Variants in TCP10L observed in about 807,000 individuals in gnomAD.
TCP10L encodes T-complex protein 10A homolog 1.
A neutral mutation model predicts 19.2 loss-of-function variants in TCP10L; 11 were observed. The ratio of observed to expected loss-of-function variants is 0.57; its 90% CI spans 0.36 to 0.95. The LOEUF (loss-of-function observed/expected upper bound fraction) is 0.95. Ranked by LOEUF, TCP10L falls within the 40% of genes least tolerant of loss-of-function variation. The probability of loss-of-function intolerance (pLI) is 0.01; values close to 1 mark genes in which losing one functional copy is unlikely to be tolerated. For synonymous variants in TCP10L, 96 were observed against 97.2 expected, an observed-to-expected ratio of 0.99 and a Z score of 0.07; for missense variants, 247 against 263.9, an observed-to-expected ratio of 0.94 and a Z score of 0.44.
At position 32,577,065 on chromosome 21, in the gene TCP10L, C is replaced by T. The variant is rs1003525059; in HGVS notation, c.499-142G>A. 3.6e-6 allele frequency: 3 copies of T among 833,584 alleles called. No individual in the cohort carries two copies. In the African/African-American group the frequency reaches 5.2e-5, roughly 14 times the overall value. The allele number at this position is 833,584 out of a possible 1,614,324, so 51.6% of individuals were successfully genotyped here. On this transcript the variant is annotated intron_variant, in intron 4 of 4. Coordinates refer to ENST00000300258, the MANE Select transcript of TCP10L (RefSeq NM_144659.7). ...CAGAAGGACACATGAGGTATCCACA[C>T]TTAGTGTCTCTCATTCCCCATTTTA...
intron 3 of TCP10L, among the ~76,000 whole-genome samples, chr21:32,581,628 G>A (rs1327458954): frequency 1.3e-5 from 2 of 152,098 alleles, no homozygotes; most frequent in Non-Finnish European, 2.9e-5. Flanking sequence ...CCAAAGAAGC[G>A]AGCCACACCC....
At position 32,576,386 on chromosome 21, in the gene TCP10L, A is replaced by G; in HGVS notation, c.*388T>C. 1 of 1,118,740 alleles carries G rather than the reference A, an allele frequency of 8.9e-7. No individual in the cohort carries two copies. Among genetic ancestry groups the G allele is most frequent in the Non-Finnish European group, 1.3e-6 (1 of 785,524 alleles). The allele number at this position is 1,118,740 out of a possible 1,614,324, so 69.3% of individuals were successfully genotyped here. On this transcript the variant is annotated 3_prime_UTR_variant, in exon 5 of 5. Coordinates refer to ENST00000300258, the MANE Select transcript of TCP10L (RefSeq NM_144659.7). Reference sequence around the variant, plus strand: ...GGTCCCTGGAGCGGGCAATGCCTTGAGCCCAAAGGCTGGGAGCACAAAGCC... The same window carrying G: ...GGTCCCTGGAGCGGGCAATGCCTTGGGCCCAAAGGCTGGGAGCACAAAGCC...
At position 32,576,775 on chromosome 21, in the gene TCP10L, C is replaced by T. The variant is rs912496204; in HGVS notation, c.647G>A (p.Ter216=). ...TPCAERRGGV[*] is the part of the protein sequence containing the mutation. ...GTGTCCGAGGCCACCTTTCCATCTTCAGACACCCCCCCGTCTCTCTGCACA... is the reference window on the plus strand; with the variant it reads ...GTGTCCGAGGCCACCTTTCCATCTTTAGACACCCCCCCGTCTCTCTGCACA... Residue 216 remains the stop codon, a stop_retained_variant, in exon 5 of 5, where the codon TGA becomes TAA. Coordinates refer to ENST00000300258, the MANE Select transcript of TCP10L (RefSeq NM_144659.7). The T allele has an allele frequency of 1.9e-6, 3 of 1,612,296 alleles. No homozygotes were observed. The highest frequency in any genetic ancestry group is 2.5e-6 in the Non-Finnish European group (3 of 1,179,544).
At chr21:32,583,247 CT>C (rs1288060281) in intron 2 of TCP10L, among the ~76,000 whole-genome samples, 1 of 151,816 alleles carries the variant, frequency 6.6e-6, no homozygotes, top group Non-Finnish European at 1.5e-5. Context: ...GTTGGCCAGA[CT>C]GGTCTCAAAG....
At position 32,584,166 on chromosome 21, in the gene TCP10L, T is replaced by A; in HGVS notation, c.139A>T (p.Met47Leu). 1 of 1,612,164 alleles carries A rather than the reference T, an allele frequency of 6.2e-7. No homozygotes were observed. Among genetic ancestry groups the A allele is most frequent in the Non-Finnish European group, 8.5e-7 (1 of 1,178,800 alleles). Residue 47 changes from methionine (M) to leucine (L), a missense_variant, in exon 2 of 5, where the codon ATG becomes TTG. Transcript: ENST00000300258. Reference protein sequence around the residue: ...VLTEDCNTGEMPPLQQQIIRL... With the variant: ...VLTEDCNTGELPPLQQQIIRL... Reference sequence around the variant, plus strand: ...CCCCACAGAGCTCAACTCACTGGCATCTCCCCAGTGTTGCAGTCCTCCGTG... The same window carrying A: ...CCCCACAGAGCTCAACTCACTGGCAACTCCCCAGTGTTGCAGTCCTCCGTG...
rs1218460323 is a variant in TCP10L, at chr21:32,576,818, T to C, written c.604A>G (p.Thr202Ala). Residue 202 changes from threonine to alanine, a missense_variant, in exon 5 of 5, where the codon ACT becomes GCT. Transcript: ENST00000300258. The stretch of plus-strand genomic sequence containing the variant: ...TCTGCACAGGGAGTTGGCCTTCCAG[T>C]AGGTGTTGCTCTTCTGTCTTGACGT... ...RRRQDRRATP[T>A]GRPTPCAERR... The C allele has an allele frequency of 6.2e-7, 1 of 1,613,954 alleles. No individual in the cohort carries two copies. The highest frequency in any genetic ancestry group is 1.7e-5 in the Admixed American group (1 of 59,984).
At chr21:32,584,833 G>A (rs1030446465) in intron 1 of TCP10L, among the ~76,000 whole-genome samples, 16 of 152,124 alleles carry the variant, frequency 1.1e-4, no homozygotes, top group African/African-American at 3.9e-4. Flanking sequence ...ACCCTCCACC[G>A]TGTTGAGTAT....
In TCP10L at chr21:32,576,892, G is replaced by C; in HGVS notation, c.530C>G (p.Ser177Trp). The C allele has an allele frequency of 6.2e-7, 1 of 1,613,874 alleles. No individual in the cohort carries two copies. Among genetic ancestry groups the C allele is most frequent in the Non-Finnish European group, 8.5e-7 (1 of 1,179,952 alleles). ...PMSLKIERIS[S>W]WKTPPQENRD... Reference sequence around the variant, plus strand: ...ATTTTCCTGTGGTGGTGTTTTCCACGAGCTAATTCTTTCTATCTTTAAACT... The same window carrying C: ...ATTTTCCTGTGGTGGTGTTTTCCACCAGCTAATTCTTTCTATCTTTAAACT... Residue 177 changes from serine to tryptophan, a missense_variant, in exon 5 of 5, where the codon TCG becomes TGG. Transcript: ENST00000300258.
Position 32,576,194 on chromosome 21 carries a change from G to A in TCP10L, c.*580C>T. The A allele has an allele frequency of 1.5e-6, 2 of 1,346,458 alleles. No individual in the cohort carries two copies. The highest frequency in any genetic ancestry group is 1.5e-5 in the African/African-American group (1 of 68,762). The allele number at this position is 1,346,458 out of a possible 1,614,324, so 83.4% of individuals were successfully genotyped here. On this transcript the variant is annotated 3_prime_UTR_variant, in exon 5 of 5. Transcript: ENST00000300258. ...TTTCACGGGGAGCATAGAAACAGGA[G>A]TCCCCAACTCTGCTCACCAGCTCCT...
At position 32,576,661 on chromosome 21, in the gene TCP10L, T is replaced by A; in HGVS notation, c.*113A>T. ...AGTTTAATAAATTACTAGGTCTATT[T>A]TGAATAACAAATTGAGTACTTTTAT... is the stretch of plus-strand genomic sequence containing the variant. On this transcript the variant is annotated 3_prime_UTR_variant, in exon 5 of 5. Transcript: ENST00000300258. The A allele has an allele frequency of 8.6e-7, 1 of 1,159,328 alleles. No individual in the cohort carries two copies. The highest frequency in any genetic ancestry group is 1.2e-6 in the Non-Finnish European group (1 of 811,502). 71.8% of individuals were successfully genotyped at this position (1,159,328 alleles called of 1,614,324 possible).
Position 32,575,413 on chromosome 21 carries a change from T to TG in TCP10L, c.*1360dup, listed in dbSNP as rs2038419590. The TG allele has an allele frequency of 6.5e-6, 1 of 154,824 alleles. No homozygotes were observed. Among genetic ancestry groups the TG allele is most frequent in the Non-Finnish European group, 1.4e-5 (1 of 69,886 alleles). The allele number at this position is 154,824 out of a possible 1,614,324, so 9.6% of individuals were successfully genotyped here. ...TCCCTGCAGAGGCCATGAAACAGCC[T>TG]GGGGGTGGGCAGGAAGCCCGGGGGG... On this transcript the variant is annotated 3_prime_UTR_variant, in exon 5 of 5. Transcript: ENST00000300258.
At chr21:32,576,969 T>A (rs2038443051) in intron 4 of TCP10L, 46 bp from the exon 5 acceptor site, 1 of 1,562,364 alleles carries the variant, frequency 6.4e-7, no homozygotes. Flanking sequence ...ACAATTATAT[T>A]ATTTTTAAAT....
chr21:32,579,441 G>A (rs534610103), intron 3 of TCP10L, among the ~76,000 whole-genome samples: 1 of 152,300 alleles, frequency 6.6e-6, no homozygotes, highest in Non-Finnish European at 1.5e-5. Context: ...GCGTTCTGTG[G>A]GTGCTCGAGT....
At chr21:32,583,519 G>A (rs2038520980) in intron 2 of TCP10L, among the ~76,000 whole-genome samples, 1 of 150,120 alleles carries the variant, frequency 6.7e-6, no homozygotes, top group Non-Finnish European at 1.5e-5. Flanking sequence ...AACCCGGGAG[G>A]CGGAGCTTGC....
chr21:32,579,881 C>A (rs1782882805), intron 3 of TCP10L, among the ~76,000 whole-genome samples: 1 of 152,136 alleles, frequency 6.6e-6, no homozygotes, highest in African/African-American at 2.4e-5. Context: ...GGCAATTTCC[C>A]CCACTCTTCC....
In TCP10L at chr21:32,576,119, T is replaced by C; in HGVS notation, c.*655A>G. On this transcript the variant is annotated 3_prime_UTR_variant, in exon 5 of 5. Transcript: ENST00000300258. ...AGGCAGCTCCAGGAAGGACATGTCC[T>C]TGCCATAGTAAGATGTTCTGCTCAC... The C allele has an allele frequency of 1.3e-6, 1 of 743,586 alleles. No homozygotes were observed. The highest frequency in any genetic ancestry group is 2.1e-6 in the Non-Finnish European group (1 of 483,542). 46.1% of individuals were successfully genotyped at this position (743,586 alleles called of 1,614,324 possible).
Position 32,578,398 on chromosome 21 carries a change from C to T in TCP10L, c.498+296G>A, listed in dbSNP as rs1378384137. 6.6e-6 allele frequency among the ~76,000 whole-genome samples: 1 copy of T among 152,246 alleles called. No individual in the cohort carries two copies. Among genetic ancestry groups the T allele is most frequent in the African/African-American group, 2.4e-5 (1 of 41,472 alleles). ...CCACACACATCACCTCCGCAGCCTG[C>T]ACCCACGGAAACAAAGCCCCCAAGT... On this transcript the variant is annotated intron_variant, in intron 4 of 4. Coordinates refer to ENST00000300258, the MANE Select transcript of TCP10L (RefSeq NM_144659.7). This position sits in a 1 kb window ranked among gnomAD's most constrained non-coding sequence, Gnocchi z 4.2.
Position 32,575,157 on chromosome 21 carries a change from T to A in TCP10L, c.*1617A>T, listed in dbSNP as rs934874550. On this transcript the variant is annotated 3_prime_UTR_variant, in exon 5 of 5. Coordinates refer to ENST00000300258, the MANE Select transcript of TCP10L (RefSeq NM_144659.7). The stretch of plus-strand genomic sequence containing the variant: ...TGGAGGTTGCGGAGATACTAGCAGG[T>A]GTGTGTGAGAGGCAAGGTCCCCCAT... 6.6e-6 allele frequency: 1 copy of A among 152,150 alleles called. No homozygotes were observed. Among genetic ancestry groups the A allele is most frequent in the Non-Finnish European group, 1.5e-5 (1 of 68,136 alleles). The allele number at this position is 152,150 out of a possible 1,614,324, so 9.4% of individuals were successfully genotyped here.
intron 2 of TCP10L, among the ~76,000 whole-genome samples, chr21:32,583,259 G>A (rs1045005838): frequency 1.3e-5 from 2 of 151,774 alleles, no homozygotes; most frequent in Non-Finnish European, 2.9e-5. Context: ...GGTCTCAAAG[G>A]CTGTACTGGC....
Sources: allele counts gnomAD v4.1 joint callset (sites outside exome capture counted in the v4.1 genomes callset), GRCh38; gene constraint gnomAD v4.1.1; non-coding constraint Gnocchi (gnomAD v3.1); transcripts MANE v1.5; gene names NCBI Gene and HGNC (gene_info 2026-07-23, HGNC 2026-07-21).